SMIM14: variants seen among roughly 807,000 people sequenced by gnomAD.
The protein encoded by SMIM14 is small integral membrane protein 14, also known as chromosome 4 open reading frame 34.
A neutral mutation model predicts 12.6 loss-of-function variants in SMIM14; 5 were observed. The ratio of observed to expected loss-of-function variants is 0.40; its 90% CI spans 0.21 to 0.83. The LOEUF is 0.83. Ranked by LOEUF, SMIM14 falls within the 40% of genes least tolerant of loss-of-function variation. The pLI is 0.37. For missense variants in SMIM14, 86 were observed against 119.1 expected (o/e 0.72, Z 1.29); for synonymous variants, 30 against 40.1 (o/e 0.75, Z 0.95).
At chr4:39,590,895 T>C (rs1037879313) in intron 2 of SMIM14, among the ~76,000 whole-genome samples, 1 of 152,140 alleles carries the variant, frequency 6.6e-6, no homozygotes, top group African/African-American at 2.4e-5. Flanking sequence ...GATACCCAGA[T>C]TGTCACTGAA....
chr4:39,620,963 A>C (rs1173017371), intron 1 of SMIM14: 1 of 152,220 alleles, frequency 6.6e-6, no homozygotes, highest in African/African-American at 2.4e-5. Flanking sequence ...ATCACAAATA[A>C]ATGGGGAAGG....
At chr4:39,602,702 A>G (rs1371152517) in intron 2 of SMIM14, among the ~76,000 whole-genome samples, 1 of 152,132 alleles carries the variant, frequency 6.6e-6, no homozygotes, top group Non-Finnish European at 1.5e-5. Context: ...CATTACCATT[A>G]TATTTCTATA....
chr4:39,585,351 C>A (rs2110029181), intron 2 of SMIM14, among the ~76,000 whole-genome samples: 1 of 152,032 alleles, frequency 6.6e-6, no homozygotes, highest in East Asian at 1.9e-4. Context: ...GGCTGGAGTG[C>A]AGTGGTGCAA....
At chr4:39,579,227 G>C (rs1180950297) in intron 2 of SMIM14, among the ~76,000 whole-genome samples, 1 of 151,310 alleles carries the variant, frequency 6.6e-6, no homozygotes, top group African/African-American at 2.4e-5. Context: ...TGGGCAACAT[G>C]GAAAGACCCC....
chr4:39,619,929 G>C (rs1715418981), intron 1 of SMIM14, among the ~76,000 whole-genome samples: 4 of 145,530 alleles, frequency 2.7e-5, no homozygotes, highest in Non-Finnish European at 4.5e-5. Flanking sequence ...GCCCACGCTA[G>C]AGTGCAATGG....
In SMIM14 at chr4:39,630,590, G is replaced by A. The variant is rs187734232; in HGVS notation, c.-36+8149C>T. On this transcript the variant is annotated intron_variant, in intron 1 of 4. Transcript: ENST00000295958. ...AGAAAGCAATTATTGGGCCAGGCGCGGTGGCTCACACCTGTAATCCCAGCA... is the reference window on the plus strand; with the variant it reads ...AGAAAGCAATTATTGGGCCAGGCGCAGTGGCTCACACCTGTAATCCCAGCA... Among the ~76,000 whole-genome samples the A allele has an allele frequency of 2.7e-4, 41 of 152,084 alleles. No homozygotes were observed. The East Asian group carries it at 7.8e-3, about 29-fold the overall frequency.
chr4:39,579,725 T>G (rs149868097), intron 2 of SMIM14, among the ~76,000 whole-genome samples: 2,654 of 151,350 alleles, frequency 0.018, 51 homozygotes, highest in South Asian at 0.042. Flanking sequence ...GCACCAGTAG[T>G]CCCAGCTGCT....
Position 39,546,938 on chromosome 4 carries a change from A to G in SMIM14, c.*5188T>C, listed in dbSNP as rs1388686279. 1 of 152,222 alleles carries G rather than the reference A, an allele frequency of 6.6e-6. No individual in the cohort carries two copies. Among genetic ancestry groups the G allele is most frequent in the African/African-American group, 2.4e-5 (1 of 41,460 alleles). The allele number at this position is 152,222 out of a possible 1,614,324, so 9.4% of individuals were successfully genotyped here. On this transcript the variant is annotated 3_prime_UTR_variant, in exon 5 of 5. Transcript: ENST00000295958. The stretch of plus-strand genomic sequence containing the variant: ...TTTTGTGTGTTTTTGGTACAGTGAC[A>G]TGTCTGGTTCCTTTTGAGCTAGATA...
At position 39,557,331 on chromosome 4, in the gene SMIM14, T is replaced by A. The variant is rs566317671; in HGVS notation, c.125-761A>T. On this transcript the variant is annotated intron_variant, in intron 3 of 4. Coordinates refer to ENST00000295958, the MANE Select transcript of SMIM14 (RefSeq NM_174921.3). ...CCTGCCCCACACCCCTAATTTTTTTTAAAATTTTTAGTAGTGACGACGTCT... is the reference window on the plus strand; with the variant it reads ...CCTGCCCCACACCCCTAATTTTTTTAAAAATTTTTAGTAGTGACGACGTCT... 3.3e-3 allele frequency among the ~76,000 whole-genome samples: 503 copies of A among 152,264 alleles called. 1 individual carries two copies. Among genetic ancestry groups the A allele is most frequent in the African/African-American group, 9.3e-3 (386 of 41,560 alleles).
At chr4:39,587,146 G>A (rs1202558073) in intron 2 of SMIM14, among the ~76,000 whole-genome samples, 1 of 151,938 alleles carries the variant, frequency 6.6e-6, no homozygotes, top group Non-Finnish European at 1.5e-5. Context: ...TATATACTAT[G>A]ATCCCTTCTA....
rs546294604 is a variant in SMIM14 at position 39,549,688 on chromosome 4, G to A, written c.*2438C>T. The A allele has an allele frequency of 4.6e-5, 7 of 152,324 alleles. No homozygotes were observed. Among genetic ancestry groups the A allele is most frequent in the African/African-American group, 1.7e-4 (7 of 41,562 alleles). The allele number at this position is 152,324 out of a possible 1,614,324, so 9.4% of individuals were successfully genotyped here. ...ACAGATTGTTAGGATATATGGGCAA[G>A]CCTTCTAAGTTCAAGAGGCAAGAGC... On this transcript the variant is annotated 3_prime_UTR_variant, in exon 5 of 5. Transcript: ENST00000295958.
intron 1 of SMIM14, among the ~76,000 whole-genome samples, chr4:39,614,173 G>A (rs1201101931): frequency 1.5e-4 from 15 of 102,014 alleles, no homozygotes; most frequent in Admixed American, 2.7e-4. Context: ...CAACAAGAGC[G>A]AAACTCCATT....
chr4:39,576,194 CTTTT>C (rs758589176), intron 2 of SMIM14, among the ~76,000 whole-genome samples: 2 of 144,436 alleles, frequency 1.4e-5, no homozygotes, highest in Non-Finnish European at 1.5e-5. Context: ...CATGCTTGGT[CTTTT>C]TTTTTTTTCT....
intron 2 of SMIM14, among the ~76,000 whole-genome samples, chr4:39,582,688 T>C (rs534413471): frequency 1.3e-4 from 19 of 151,988 alleles, no homozygotes; most frequent in Admixed American, 2.0e-4. Context: ...AAGGGTCTTA[T>C]AGAAAAAGAC....
chr4:39,597,467 G>A (rs1194913312), intron 2 of SMIM14, among the ~76,000 whole-genome samples: 2 of 133,420 alleles, frequency 1.5e-5, no homozygotes, highest in East Asian at 4.5e-4. Context: ...TTTTGGAGAC[G>A]GAGTCTGGCT....
intron 1 of SMIM14, among the ~76,000 whole-genome samples, chr4:39,619,207 T>C (rs35772517): frequency 0.24 from 34,206 of 139,742 alleles, 5,273 homozygotes; most frequent in Non-Finnish European, 0.34. Flanking sequence ...ATTCTATATA[T>C]CAATAAATAT....
intron 1 of SMIM14, chr4:39,638,150 A>T (rs1173117388): frequency 1.3e-5 from 2 of 152,224 alleles, no homozygotes; most frequent in African/African-American, 4.8e-5. Flanking sequence ...GTTCCAATAA[A>T]GGGTGCTGCT....
At chr4:39,632,984 T>C (rs561722397) in intron 1 of SMIM14, among the ~76,000 whole-genome samples, 1 of 151,904 alleles carries the variant, frequency 6.6e-6, no homozygotes, top group Non-Finnish European at 1.5e-5. Context: ...ACTTGTTGAA[T>C]TATGATTAAA....
At chr4:39,598,659 T>C (rs1033382510) in intron 2 of SMIM14, among the ~76,000 whole-genome samples, 3 of 152,222 alleles carry the variant, frequency 2.0e-5, no homozygotes, top group African/African-American at 7.2e-5. Flanking sequence ...TAAACTATAC[T>C]GTAATTACTT....
Sources: allele counts gnomAD v4.1 joint callset (sites outside exome capture counted in the v4.1 genomes callset), GRCh38; gene constraint gnomAD v4.1.1; transcripts MANE v1.5; gene names NCBI Gene and HGNC (gene_info 2026-07-23, HGNC 2026-07-21).